ARHGAP26: variants seen among roughly 807,000 people sequenced by gnomAD.
ARHGAP26 encodes Rho GTPase activating protein 26, also known as rho GTPase-activating protein 26.
In ARHGAP26, 38 loss-of-function variants were observed where a neutral mutation model predicts 104.8. That is an observed-to-expected ratio of 0.36 (90% CI 0.28 to 0.48). ARHGAP26 has a LOEUF of 0.48. Among genes scored for constraint, ARHGAP26 ranks in the 20% least tolerant of loss-of-function variants. The pLI is 0.99. For synonymous variants in ARHGAP26, 341 were observed against 340.0 expected (o/e 1.00, Z -0.03); for missense variants, 704 against 947.9 (o/e 0.74, Z 3.38).
chr5:143,014,307 G>T, intron 12 of ARHGAP26, 191 bp downstream of exon 12: 1 of 626,306 alleles, frequency 1.6e-6, no homozygotes. Context: ...AGTGAGCCTG[G>T]CTGGCAAGGC....
chr5:143,216,125 A>G, intron 22 of ARHGAP26: 1 of 471,042 alleles, frequency 2.1e-6, no homozygotes, highest in South Asian at 1.5e-5. Flanking sequence ...GTTAAGCATA[A>G]AGGGGGAAAA....
chr5:143,096,505 A>G (rs1421861653), intron 17 of ARHGAP26, among the ~76,000 whole-genome samples: 4 of 152,210 alleles, frequency 2.6e-5, no homozygotes, highest in African/African-American at 7.2e-5. Flanking sequence ...ATGGTGTTTC[A>G]TGAAAAAAGA....
At chr5:143,075,209 G>C (rs952116846) in intron 17 of ARHGAP26, among the ~76,000 whole-genome samples, 1 of 151,904 alleles carries the variant, frequency 6.6e-6, no homozygotes, top group African/African-American at 2.4e-5. Context: ...CATTTCAATT[G>C]CACATTAAAA....
At chr5:143,209,568 G>A (rs1174291697) in intron 21 of ARHGAP26, among the ~76,000 whole-genome samples, 1 of 152,134 alleles carries the variant, frequency 6.6e-6, no homozygotes, top group African/African-American at 2.4e-5. Context: ...ATCACCCGAG[G>A]TGAGGAGTTC....
intron 20 of ARHGAP26, among the ~76,000 whole-genome samples, chr5:143,156,016 G>A (rs911905111): frequency 7.2e-5 from 11 of 152,146 alleles, no homozygotes; most frequent in Non-Finnish European, 1.0e-4. Context: ...TAGAATATTT[G>A]GGAAGGAAAT....
intron 17 of ARHGAP26, among the ~76,000 whole-genome samples, chr5:143,105,192 A>G (rs1300820565): frequency 6.6e-6 from 1 of 152,090 alleles, no homozygotes; most frequent in African/African-American, 2.4e-5. Flanking sequence ...CTTGACCAAC[A>G]TGGAGAAACC....
At chr5:142,938,332 T>C (rs1024993185) in intron 11 of ARHGAP26, among the ~76,000 whole-genome samples, 10 of 152,220 alleles carry the variant, frequency 6.6e-5, no homozygotes, top group African/African-American at 2.4e-4. Flanking sequence ...CTGTTAAATC[T>C]GGGTTGACAA....
At chr5:142,906,327 A>G (rs1409719611) in intron 8 of ARHGAP26, among the ~76,000 whole-genome samples, 1 of 152,186 alleles carries the variant, frequency 6.6e-6, no homozygotes, top group Non-Finnish European at 1.5e-5. Flanking sequence ...CCTTCTCCTT[A>G]TCACACTTTA....
chr5:142,771,003 CGG>C, intron 1 of ARHGAP26, 88 bp downstream of exon 1: 2 of 1,482,324 alleles, frequency 1.3e-6, no homozygotes, highest in Non-Finnish European at 1.8e-6. Flanking sequence ...GCGCGTCTGC[CGG>C]GTTTCTGCTC....
intron 22 of ARHGAP26, among the ~76,000 whole-genome samples, chr5:143,217,083 G>A (rs747419864): frequency 3.3e-5 from 5 of 152,088 alleles, no homozygotes; most frequent in Non-Finnish European, 7.3e-5. Context: ...CTGTGTAGTT[G>A]TCAGATTAAA....
At chr5:142,896,099 T>C (rs1410406620) in intron 6 of ARHGAP26, among the ~76,000 whole-genome samples, 1 of 152,210 alleles carries the variant, frequency 6.6e-6, no homozygotes, top group African/African-American at 2.4e-5. Flanking sequence ...AGCAGCCTTA[T>C]TGATTTTCCT....
chr5:142,978,503 G>A (rs528805826), intron 11 of ARHGAP26, among the ~76,000 whole-genome samples: 1 of 152,256 alleles, frequency 6.6e-6, no homozygotes, highest in East Asian at 1.9e-4. Context: ...CAAGAGGGTG[G>A]TCTGGTTTCA....
At chr5:142,983,283 T>C (rs1390964962) in intron 11 of ARHGAP26, among the ~76,000 whole-genome samples, 1 of 152,178 alleles carries the variant, frequency 6.6e-6, no homozygotes, top group Non-Finnish European at 1.5e-5. Flanking sequence ...CTCTGCTCAT[T>C]GCAACCTCCA....
At chr5:142,853,947 C>T (rs1029795225) in intron 1 of ARHGAP26, among the ~76,000 whole-genome samples, 3 of 152,102 alleles carry the variant, frequency 2.0e-5, no homozygotes, top group African/African-American at 7.2e-5. Context: ...TGTGAGCAGG[C>T]CAAGAACAAC....
At chr5:143,052,411 A>G (rs1785171947) in intron 14 of ARHGAP26, among the ~76,000 whole-genome samples, 1 of 152,024 alleles carries the variant, frequency 6.6e-6, no homozygotes, top group South Asian at 2.1e-4. Flanking sequence ...TGGAGGTTGC[A>G]GTGAGCCAAG....
intron 6 of ARHGAP26, among the ~76,000 whole-genome samples, chr5:142,895,527 A>G (rs1759352418): frequency 6.6e-6 from 1 of 152,074 alleles, no homozygotes; most frequent in Non-Finnish European, 1.5e-5. Flanking sequence ...AGCACGCCCG[A>G]CCAAGAAAGG....
intron 12 of ARHGAP26, among the ~76,000 whole-genome samples, chr5:143,029,109 C>T (rs1233961734): frequency 6.6e-6 from 1 of 152,126 alleles, no homozygotes; most frequent in African/African-American, 2.4e-5. Flanking sequence ...ACAGGCAAGC[C>T]CTTCTAGTCT....
chr5:142,985,815 G>A (rs1445224276), intron 11 of ARHGAP26, among the ~76,000 whole-genome samples: 1 of 151,960 alleles, frequency 6.6e-6, no homozygotes, highest in African/African-American at 2.4e-5. Flanking sequence ...CTTCATCCAT[G>A]TCCCTACAAA....
intron 20 of ARHGAP26, among the ~76,000 whole-genome samples, chr5:143,184,483 A>ATG (rs777042285): frequency 6.6e-6 from 1 of 152,164 alleles, no homozygotes; most frequent in Non-Finnish European, 1.5e-5. Flanking sequence ...TGTGTGCAGC[A>ATG]TGTGTGTATC....
Sources: allele counts gnomAD v4.1 joint callset (sites outside exome capture counted in the v4.1 genomes callset), GRCh38; gene constraint gnomAD v4.1.1; transcripts MANE v1.5; gene names NCBI Gene and HGNC (gene_info 2026-07-23, HGNC 2026-07-21).